Variants in GALNT9 observed in about 807,000 individuals in gnomAD.
GALNT9 encodes GalNAc transferase 9.
A neutral mutation model predicts 63.1 loss-of-function variants in GALNT9; 47 were observed. That is an observed-to-expected ratio of 0.75 (90% CI 0.59 to 0.95). The LOEUF is 0.95. Among genes scored for constraint, GALNT9 ranks in the 40% least tolerant of loss-of-function variants. The probability of loss-of-function intolerance (pLI) is 0.00; values close to 1 mark genes in which losing one functional copy is unlikely to be tolerated. For synonymous variants in GALNT9, 396 were observed against 365.7 expected (o/e 1.08, Z -0.94); for missense variants, 829 against 874.8 (o/e 0.95, Z 0.66).
chr12:132,250,413 CTTT>C (rs1451460578), intron 5 of GALNT9, among the ~76,000 whole-genome samples: 3 of 152,190 alleles, frequency 2.0e-5, no homozygotes, highest in Non-Finnish European at 4.4e-5. Flanking sequence ...GAGGTGCCCA[CTTT>C]AGTGTGGTTG....
intron 1 of GALNT9, among the ~76,000 whole-genome samples, chr12:132,290,262 G>A (rs550310948): frequency 6.6e-6 from 1 of 152,222 alleles, no homozygotes; most frequent in South Asian, 2.1e-4. Context: ...CACACACAGA[G>A]CCCCCATCAT....
At chr12:132,228,879 C>A (rs1184384034) in intron 6 of GALNT9, among the ~76,000 whole-genome samples, 1 of 152,212 alleles carries the variant, frequency 6.6e-6, no homozygotes, top group Non-Finnish European at 1.5e-5. Flanking sequence ...GGACTTTCCT[C>A]ATTAGAAGAT....
At chr12:132,243,303 A>G (rs1330912380) in intron 6 of GALNT9, among the ~76,000 whole-genome samples, 3 of 135,742 alleles carry the variant, frequency 2.2e-5, no homozygotes, top group Non-Finnish European at 4.6e-5. Context: ...GGCCCTCCCT[A>G]TACCCATTAC....
chr12:132,227,646 T>A (rs1877749266), intron 6 of GALNT9, among the ~76,000 whole-genome samples: 1 of 152,160 alleles, frequency 6.6e-6, no homozygotes, highest in African/African-American at 2.4e-5. Context: ...GTGATGAAAA[T>A]TAGCATGCTT....
At chr12:132,294,250 CAG>C (rs1377881878) in intron 1 of GALNT9, among the ~76,000 whole-genome samples, 1 of 152,186 alleles carries the variant, frequency 6.6e-6, no homozygotes, top group Admixed American at 6.5e-5. Context: ...TGACTCTGAC[CAG>C]AGTCAGCAGA....
intron 1 of GALNT9, among the ~76,000 whole-genome samples, chr12:132,305,182 C>G (rs1239596408): frequency 3.9e-5 from 2 of 51,192 alleles, no homozygotes; most frequent in Non-Finnish European, 6.7e-5. Context: ...CCCGGGCACA[C>G]GCTCACCCAG....
intron 2 of GALNT9, among the ~76,000 whole-genome samples, chr12:132,264,826 G>A (rs1176033623): frequency 6.6e-6 from 1 of 152,212 alleles, no homozygotes; most frequent in East Asian, 1.9e-4. Flanking sequence ...GCCCGTGGAT[G>A]CTGGACCAGC....
At chr12:132,262,309 C>A in intron 3 of GALNT9, 150 bp downstream of exon 3, 1 of 1,087,582 alleles carries the variant, frequency 9.2e-7, no homozygotes, top group Non-Finnish European at 1.3e-6. Flanking sequence ...GGCTGGAAGG[C>A]AGGAGGGACC....
chr12:132,265,998 G>A lies in GALNT9; in HGVS notation c.420-3373C>T, dbSNP rs532659950. On this transcript the variant is annotated intron_variant, in intron 2 of 10. Coordinates refer to ENST00000328957, the MANE Select transcript of GALNT9 (RefSeq NM_001122636.2). The surrounding 1 kb of genome is among the most constrained non-coding windows in gnomAD (Gnocchi z 5.3). ...CATGAACAGGCACGCACAGCCAACC[G>A]CGGGCCTGTCTGCCTTTACACGCCC... Among the ~76,000 whole-genome samples the A allele has an allele frequency of 7.4e-5, 11 of 148,372 alleles. No individual in the cohort carries two copies. Among genetic ancestry groups the A allele is most frequent in the East Asian group, 6.0e-4 (3 of 4,996 alleles).
intron 6 of GALNT9, among the ~76,000 whole-genome samples, chr12:132,218,262 G>A (rs1054145716): frequency 6.6e-6 from 1 of 152,196 alleles, no homozygotes; most frequent in African/African-American, 2.4e-5. Context: ...CAAGCCCTGT[G>A]TTCCCAGCCC....
chr12:132,251,546 C>T (rs1003203565), intron 5 of GALNT9, among the ~76,000 whole-genome samples: 1 of 152,178 alleles, frequency 6.6e-6, no homozygotes, highest in African/African-American at 2.4e-5. Context: ...AGAGGGGACT[C>T]CTCCGGGCCC....
intron 1 of GALNT9, among the ~76,000 whole-genome samples, chr12:132,292,147 T>G (rs1304950820): frequency 1.4e-5 from 2 of 141,682 alleles, no homozygotes; most frequent in Non-Finnish European, 3.1e-5. Flanking sequence ...TGCCTCATTT[T>G]CCTCCCAGAA....
rs1880576489 is a variant in GALNT9 at position 132,286,125 on chromosome 12, C to T, written c.419+125G>A. ...GGCGGGCGTGGGGGGCGGTCACTTCCCTGGCGGGCGTGGGGGCCGCTCACT... is the reference window on the plus strand; with the variant it reads ...GGCGGGCGTGGGGGGCGGTCACTTCTCTGGCGGGCGTGGGGGCCGCTCACT... On this transcript the variant is annotated intron_variant, in intron 2 of 10. Transcript: ENST00000328957. This position sits in a 1 kb window ranked among gnomAD's most constrained non-coding sequence, Gnocchi z 7.4. 7 of 1,231,670 alleles carry T rather than the reference C, an allele frequency of 5.7e-6. No homozygotes were observed. The African/African-American group carries it at 1.1e-4, about 20-fold the overall frequency. The allele number at this position is 1,231,670 out of a possible 1,614,324, so 76.3% of individuals were successfully genotyped here.
intron 2 of GALNT9, among the ~76,000 whole-genome samples, chr12:132,281,074 AG>A (rs1169436314): frequency 3.3e-5 from 5 of 152,170 alleles, no homozygotes; most frequent in Non-Finnish European, 7.4e-5. Flanking sequence ...CAGTGGCCCC[AG>A]GGAAAGGCCA....
chr12:132,304,148 C>T, intron 1 of GALNT9, among the ~76,000 whole-genome samples: 1 of 38,920 alleles, frequency 2.6e-5, no homozygotes, highest in South Asian at 1.6e-3. Context: ...CACACCCTCG[C>T]CCGGACACGC....
At chr12:132,263,791 G>A (rs1282075570) in intron 2 of GALNT9, among the ~76,000 whole-genome samples, 1 of 152,210 alleles carries the variant, frequency 6.6e-6, no homozygotes, top group Admixed American at 6.5e-5. Flanking sequence ...CACCGGCTGG[G>A]CCCGTGAAGT....
chr12:132,272,558 C>G (rs1879909717), intron 2 of GALNT9: 1 of 152,206 alleles, frequency 6.6e-6, no homozygotes, highest in South Asian at 2.1e-4. Flanking sequence ...GCACCTAACA[C>G]CTGACACTCA....
At chr12:132,268,982 C>T (rs1442693462) in intron 2 of GALNT9, among the ~76,000 whole-genome samples, 1 of 152,184 alleles carries the variant, frequency 6.6e-6, no homozygotes, top group Non-Finnish European at 1.5e-5. Flanking sequence ...TTTGTTGAAA[C>T]ATAAAACGTG....
chr12:132,310,477 C>T lies in GALNT9; in HGVS notation c.238+18489G>A, dbSNP rs1881774402. The stretch of plus-strand genomic sequence containing the variant: ...CGGCCATCTCCTGGAGGCTGAGAGC[C>T]CTCCGGGAAAGCAGGCATTTCTGCC... On this transcript the variant is annotated intron_variant, in intron 1 of 10. Transcript: ENST00000328957. This position sits in a 1 kb window ranked among gnomAD's most constrained non-coding sequence, Gnocchi z 4.8. Among the ~76,000 whole-genome samples, 1 of 152,146 alleles carries T rather than the reference C, an allele frequency of 6.6e-6. No individual in the cohort carries two copies. The highest frequency in any genetic ancestry group is 2.4e-5 in the African/African-American group (1 of 41,424).
Sources: allele counts gnomAD v4.1 joint callset (sites outside exome capture counted in the v4.1 genomes callset), GRCh38; gene constraint gnomAD v4.1.1; non-coding constraint Gnocchi (gnomAD v3.1); transcripts MANE v1.5; gene names NCBI Gene and HGNC (gene_info 2026-07-23, HGNC 2026-07-21).